Variants in GRIN2B observed in about 807,000 individuals in gnomAD.
GRIN2B encodes glutamate receptor ionotropic, NMDA 2B.
A neutral mutation model predicts 114.5 loss-of-function variants in GRIN2B; 5 were observed. The ratio of observed to expected loss-of-function variants is 0.04; its 90% CI spans 0.02 to 0.09. The LOEUF (loss-of-function observed/expected upper bound fraction) is 0.09, where lower values mean the gene tolerates loss of function less well. GRIN2B is among the 10% of genes least tolerant of loss of function. The pLI is 1.00. For synonymous variants in GRIN2B, 787 were observed against 745.1 expected, an observed-to-expected ratio of 1.06 and a Z score of -0.92; for missense variants, 1,108 against 1,943.5, an observed-to-expected ratio of 0.57 and a Z score of 8.08.
chr12:13,861,553 C>T (rs1865751988), intron 3 of GRIN2B, among the ~76,000 whole-genome samples: 1 of 152,202 alleles, frequency 6.6e-6, no homozygotes, highest in African/African-American at 2.4e-5. Flanking sequence ...CATTTTTAAA[C>T]ATTCTCCATT....
chr12:13,657,887 A>G (rs1406714936), intron 5 of GRIN2B, among the ~76,000 whole-genome samples: 1 of 152,192 alleles, frequency 6.6e-6, no homozygotes, highest in Non-Finnish European at 1.5e-5. Flanking sequence ...CAATTTTATA[A>G]AAATATTCCC....
At chr12:13,570,606 C>G (rs536095198) in intron 11 of GRIN2B, among the ~76,000 whole-genome samples, 2 of 152,120 alleles carry the variant, frequency 1.3e-5, no homozygotes, top group African/African-American at 4.8e-5. Context: ...CAGAAGAATT[C>G]AGATCTCTCA....
intron 3 of GRIN2B, among the ~76,000 whole-genome samples, chr12:13,858,445 G>T (rs1051007954): frequency 6.6e-6 from 1 of 152,088 alleles, no homozygotes; most frequent in African/African-American, 2.4e-5. Flanking sequence ...TGAATAAAAT[G>T]TAGATCTAAC....
chr12:13,644,354 G>T (rs1949744465), intron 5 of GRIN2B, among the ~76,000 whole-genome samples: 2 of 152,064 alleles, frequency 1.3e-5, no homozygotes, highest in South Asian at 2.1e-4. Flanking sequence ...TGAACAGTAG[G>T]TCTCAATAGT....
chr12:13,635,893 G>A (rs11055557), intron 5 of GRIN2B, among the ~76,000 whole-genome samples: 41,093 of 152,034 alleles, frequency 0.27, 6,172 homozygotes, highest in Middle Eastern at 0.44. Flanking sequence ...GTATTATTTC[G>A]CAACAATCAG....
intron 2 of GRIN2B, among the ~76,000 whole-genome samples, chr12:13,907,125 T>TA (rs66669873): frequency 0.38 from 57,994 of 151,974 alleles, 12,458 homozygotes; most frequent in East Asian, 0.64. Context: ...GCAATCTAGA[T>TA]AAAAAAAGTC....
intron 4 of GRIN2B, among the ~76,000 whole-genome samples, chr12:13,686,044 C>A (rs1367129524): frequency 6.6e-6 from 1 of 152,054 alleles, no homozygotes; most frequent in African/African-American, 2.4e-5. Context: ...GAAAATACAT[C>A]TAGATGAGAA....
intron 5 of GRIN2B, among the ~76,000 whole-genome samples, chr12:13,618,290 C>T (rs866450575): frequency 6.6e-6 from 1 of 152,184 alleles, no homozygotes; most frequent in South Asian, 2.1e-4. Context: ...TGGTCACCCC[C>T]TCCCCAAATA....
At chr12:13,975,205 G>A (rs1445969057) in intron 2 of GRIN2B, among the ~76,000 whole-genome samples, 1 of 152,226 alleles carries the variant, frequency 6.6e-6, no homozygotes, top group African/African-American at 2.4e-5. Context: ...AAGCAGGGAT[G>A]GTGTAGACCT....
chr12:13,690,355 CCTCTCT>C lies in GRIN2B; in HGVS notation c.1011-14502_1011-14497del, dbSNP rs538084297. ...ATCTATTTACAAATACTTTTTTTTG[CCTCTCT>C]CTCTCTCTCTCTCACACACACACAC... On this transcript the variant is annotated intron_variant, in intron 4 of 13. Coordinates refer to ENST00000609686, the MANE Select transcript of GRIN2B (RefSeq NM_000834.5). 4.5e-3 allele frequency among the ~76,000 whole-genome samples: 315 copies of C among 69,750 alleles called. 1 individual carries two copies. Among genetic ancestry groups the C allele is most frequent in the African/African-American group, 0.013 (299 of 23,414 alleles). The allele number at this position is 69,750 out of a possible 152,430, so 45.8% of individuals were successfully genotyped here.
intron 3 of GRIN2B, among the ~76,000 whole-genome samples, chr12:13,757,788 C>G (rs532738583): frequency 2.0e-5 from 3 of 152,112 alleles, no homozygotes; most frequent in Non-Finnish European, 2.9e-5. Flanking sequence ...ATGTGGGGCC[C>G]CCATCATTTT....
chr12:13,726,958 T>C (rs1863000995), intron 4 of GRIN2B, among the ~76,000 whole-genome samples: 1 of 152,174 alleles, frequency 6.6e-6, no homozygotes, highest in Non-Finnish European at 1.5e-5. Context: ...TAATTAGTTA[T>C]CGGAGCAATC....
chr12:13,801,310 T>TA (rs1283035452), intron 3 of GRIN2B, among the ~76,000 whole-genome samples: 1 of 152,176 alleles, frequency 6.6e-6, no homozygotes, highest in African/African-American at 2.4e-5. Flanking sequence ...GACCCCTATA[T>TA]AAAAAACTGA....
intron 4 of GRIN2B, among the ~76,000 whole-genome samples, chr12:13,721,996 G>A (rs1012069355): frequency 2.0e-5 from 3 of 152,066 alleles, no homozygotes; most frequent in Non-Finnish European, 4.4e-5. Context: ...TCATTTCATC[G>A]AATGCTGCAG....
chr12:13,803,477 G>A (rs7958453), intron 3 of GRIN2B, among the ~76,000 whole-genome samples: 43,831 of 152,030 alleles, frequency 0.29, 6,584 homozygotes, highest in South Asian at 0.41. Flanking sequence ...TAGTACCTAT[G>A]GAGATTAAAA....
chr12:13,782,349 T>G (rs542616250), intron 3 of GRIN2B, among the ~76,000 whole-genome samples: 1 of 152,262 alleles, frequency 6.6e-6, no homozygotes, highest in East Asian at 1.9e-4. Context: ...ATCTCTCTTC[T>G]GCTAACAGCC....
At chr12:13,572,521 C>T (rs532846887) in intron 10 of GRIN2B, among the ~76,000 whole-genome samples, 21 of 152,200 alleles carry the variant, frequency 1.4e-4, no homozygotes, top group Admixed American at 7.9e-4. Flanking sequence ...TCATATTTAT[C>T]CCACATGAGT....
chr12:13,642,360 A>G (rs1409932609), intron 5 of GRIN2B, among the ~76,000 whole-genome samples: 1 of 152,200 alleles, frequency 6.6e-6, no homozygotes, highest in Non-Finnish European at 1.5e-5. Context: ...CTGAAGGAGC[A>G]CTAAGTAGGA....
intron 2 of GRIN2B, among the ~76,000 whole-genome samples, chr12:13,948,853 T>C (rs569708231): frequency 3.9e-5 from 6 of 152,226 alleles, no homozygotes; most frequent in Non-Finnish European, 7.4e-5. Flanking sequence ...TTAGAGTCAC[T>C]GGCATTGTGG....
Sources: allele counts gnomAD v4.1 joint callset (sites outside exome capture counted in the v4.1 genomes callset), GRCh38; gene constraint gnomAD v4.1.1; transcripts MANE v1.5; gene names NCBI Gene and HGNC (gene_info 2026-07-23, HGNC 2026-07-21).